PML: variants seen among roughly 807,000 people sequenced by gnomAD.
PML encodes the protein PML nuclear body scaffold.
PML carries 28 observed loss-of-function variants against 65.2 expected under a neutral mutation model. The ratio of observed to expected loss-of-function variants is 0.43; its 90% CI spans 0.32 to 0.59. PML has a LOEUF of 0.59. Ranked by LOEUF, PML falls within the 20% of genes least tolerant of loss-of-function variation. PML has a pLI of 0.08. For missense variants in PML, 1,021 were observed against 1,203.4 expected, an observed-to-expected ratio of 0.85 and a Z score of 2.24; for synonymous variants, 500 against 508.8, an observed-to-expected ratio of 0.98 and a Z score of 0.23.
At chr15:73,998,861 G>A (rs1352904169) in intron 2 of PML, among the ~76,000 whole-genome samples, 1 of 152,108 alleles carries the variant, frequency 6.6e-6, no homozygotes, top group Non-Finnish European at 1.5e-5. Context: ...GCACTGACAC[G>A]GAATCTCAGT....
chr15:74,036,923 G>A, intron 7 of PML: 1 of 985,228 alleles, frequency 1.0e-6, no homozygotes, highest in Non-Finnish European at 1.2e-6. Flanking sequence ...TGTTCCTTGA[G>A]CTCTCAGTCC....
chr15:74,010,185 A>ATTTTTTTTTTTTTTTTTTTT lies in PML; in HGVS notation c.602+11718_602+11737dup, dbSNP rs536738558. The stretch of plus-strand genomic sequence containing the variant: ...AGACATGCACCACCATGCCCAGCTA[A>ATTTTTTTTTTTTTTTTTTTT]TTTTTTTTTTTTTTTTTTTTTTTTT... On this transcript the variant is annotated intron_variant, in intron 2 of 8. Coordinates refer to ENST00000268058, the MANE Select transcript of PML (RefSeq NM_033238.3). 2.2e-4 allele frequency among the ~76,000 whole-genome samples: 17 copies of ATTTTTTTTTTTTTTTTTTTT among 77,936 alleles called. 1 individual carries two copies. Among genetic ancestry groups the ATTTTTTTTTTTTTTTTTTTT allele is most frequent in the East Asian group, 4.5e-4 (1 of 2,240 alleles). 51.1% of individuals were successfully genotyped at this position (77,936 alleles called of 152,430 possible). A position where few individuals can be genotyped will look rare whatever the true frequency, so the allele number is the denominator to read the frequency against.
chr15:74,037,807 CTT>C lies in PML; in HGVS notation c.1710+3280_1710+3281del. On this transcript the variant is annotated intron_variant, in intron 7 of 8. Transcript: ENST00000268058. This position sits in a 1 kb window ranked among gnomAD's most constrained non-coding sequence, Gnocchi z 4.2. Reference sequence around the variant, plus strand: ...CAGGTTTGCTGCTGGGCCCTTTCCTCTTTTCAGTCTGTGTATTCTCCCAGGTG... The same window carrying C: ...CAGGTTTGCTGCTGGGCCCTTTCCTCTTCAGTCTGTGTATTCTCCCAGGTG... 1 of 747,424 alleles carries C rather than the reference CTT, an allele frequency of 1.3e-6. No individual in the cohort carries two copies. The highest frequency in any genetic ancestry group is 1.6e-6 in the Non-Finnish European group (1 of 612,950). 46.3% of individuals were successfully genotyped at this position (747,424 alleles called of 1,614,324 possible).
rs377501404 is a variant in PML at position 74,035,404 on chromosome 15, G to A, written c.1710+874G>A. The stretch of plus-strand genomic sequence containing the variant: ...AGCGAGCCTCCTGATCACCAGGAGC[G>A]CCCTGCCGTCCACCGTGGGATCCGC... On this transcript the variant is annotated intron_variant, in intron 7 of 8. Coordinates refer to ENST00000268058, the MANE Select transcript of PML (RefSeq NM_033238.3). This position sits in a 1 kb window ranked among gnomAD's most constrained non-coding sequence, Gnocchi z 4.1. 1.6e-5 allele frequency: 25 copies of A among 1,611,592 alleles called. No individual in the cohort carries two copies. The highest frequency in any genetic ancestry group is 5.3e-5 in the African/African-American group (4 of 74,848).
rs1346221283 is a variant in PML, at chr15:73,994,888, C to G, written c.76C>G (p.Pro26Ala). The change falls in exon 1 of 9, where the codon CCC (proline) becomes GCC (alanine). Residue 26 changes from proline to alanine, a missense_variant. Coordinates refer to ENST00000268058, the MANE Select transcript of PML (RefSeq NM_033238.3). Reference protein sequence around the residue: ...ARPQEPTMPPPETPSEGRQPS... With the variant: ...ARPQEPTMPPAETPSEGRQPS... ...GCCCCAGGAGCCCACCATGCCTCCC[C>G]CCGAGACCCCCTCTGAAGGCCGCCA... 3.9e-6 allele frequency: 6 copies of G among 1,552,210 alleles called. No homozygotes were observed. The highest frequency in any genetic ancestry group is 5.2e-6 in the Non-Finnish European group (6 of 1,146,982).
At chr15:74,036,443 G>A in intron 7 of PML, 1 of 1,271,442 alleles carries the variant, frequency 7.9e-7, no homozygotes, top group Non-Finnish European at 1.0e-6. Flanking sequence ...GATGGATCCA[G>A]CTCCTCCCTG....
In PML at chr15:74,035,450, G is replaced by A. The variant is rs377354460; in HGVS notation, c.1710+920G>A. The stretch of plus-strand genomic sequence containing the variant: ...TCCGCTACCTGTTGTACAGAGCACA[G>A]AGAGCCATCCGCCTTCGCCATGCCC... On this transcript the variant is annotated intron_variant, in intron 7 of 8. Transcript: ENST00000268058. This position sits in a 1 kb window ranked among gnomAD's most constrained non-coding sequence, Gnocchi z 4.1. 31 of 1,612,294 alleles carry A rather than the reference G, an allele frequency of 1.9e-5. No homozygotes were observed. Among genetic ancestry groups the A allele is most frequent in the Middle Eastern group, 1.6e-4 (1 of 6,084 alleles).
intron 3 of PML, among the ~76,000 whole-genome samples, 163 bp downstream of exon 3, chr15:74,023,571 G>T (rs1420026339): frequency 3.3e-5 from 5 of 152,180 alleles, no homozygotes; most frequent in African/African-American, 1.2e-4. Context: ...GGATAAGGGG[G>T]AGATGAGGCC....
At chr15:74,031,370 C>G in intron 4 of PML, 1 of 351,384 alleles carries the variant, frequency 2.8e-6, no homozygotes, top group African/African-American at 2.1e-5. Context: ...TGCCTCAGGG[C>G]TCAAGCGATT....
chr15:74,033,277 A>C lies in PML; in HGVS notation c.1520A>C (p.Glu507Ala). Residue 507 changes from glutamate to alanine, a missense_variant, in exon 6 of 9, where the codon GAG becomes GCG. Physicochemically the swap from Glu to Ala is moderately radical, Grantham distance 107 (BLOSUM62 -1). Transcript: ENST00000268058. ...GCAAGGTTGGCTCGGAGCTCCCCGG[A>C]GCAGCCCAGGCCCAGCACCTCCAAG... ...KEARLARSSPEQPRPSTSKAV... is the reference protein window; with the variant it reads ...KEARLARSSPAQPRPSTSKAV... 1 of 1,614,230 alleles carries C rather than the reference A, an allele frequency of 6.2e-7. No individual in the cohort carries two copies. The highest frequency in any genetic ancestry group is 1.1e-5 in the South Asian group (1 of 91,090).
Position 74,035,177 on chromosome 15 carries a change from G to A in PML, c.1710+647G>A. 1 of 1,285,502 alleles carries A rather than the reference G, an allele frequency of 7.8e-7. No homozygotes were observed. Among genetic ancestry groups the A allele is most frequent in the Non-Finnish European group, 1.1e-6 (1 of 880,922 alleles). 79.6% of individuals were successfully genotyped at this position (1,285,502 alleles called of 1,614,324 possible). A position where few individuals can be genotyped will look rare whatever the true frequency, so the allele number is the denominator to read the frequency against. The stretch of plus-strand genomic sequence containing the variant: ...TGAGGTTCTGTATTGGAAAGTGCAT[G>A]GAGCCCATGGAGACCGCCGAGCCAC... On this transcript the variant is annotated intron_variant, in intron 7 of 8. Coordinates refer to ENST00000268058, the MANE Select transcript of PML (RefSeq NM_033238.3). This position sits in a 1 kb window ranked among gnomAD's most constrained non-coding sequence, Gnocchi z 4.1.
At chr15:74,015,120 C>T (rs973477222) in intron 2 of PML, among the ~76,000 whole-genome samples, 2 of 152,202 alleles carry the variant, frequency 1.3e-5, no homozygotes, top group Non-Finnish European at 2.9e-5. Flanking sequence ...ATCTTCTTCT[C>T]CAAGACCTCA....
At chr15:74,033,672 T>C (rs1359679433) in intron 6 of PML, 3 of 658,330 alleles carry the variant, frequency 4.6e-6, no homozygotes, top group Non-Finnish European at 8.4e-6. Context: ...TCCCAAACAC[T>C]ACTGTGCCTT....
At position 74,036,032 on chromosome 15, in the gene PML, C is replaced by T. The variant is rs200028634; in HGVS notation, c.1710+1502C>T. Reference sequence around the variant, plus strand: ...CTGCCTCCTCCAGCCCATGCTCTTACAGGCCCTGCACAGAGTAGCACTCAT... The same window carrying T: ...CTGCCTCCTCCAGCCCATGCTCTTATAGGCCCTGCACAGAGTAGCACTCAT... On this transcript the variant is annotated intron_variant, in intron 7 of 8. Transcript: ENST00000268058. The T allele has an allele frequency of 5.1e-5, 82 of 1,614,028 alleles. No individual in the cohort carries two copies. In the Middle Eastern group the frequency reaches 8.2e-4, roughly 16 times the overall value.
chr15:74,004,911 CAT>C (rs1366395259), intron 2 of PML, among the ~76,000 whole-genome samples: 2 of 151,960 alleles, frequency 1.3e-5, no homozygotes, highest in Non-Finnish European at 2.9e-5. Context: ...AAGGTTTTGC[CAT>C]ATTGGCCAGG....
intron 7 of PML, among the ~76,000 whole-genome samples, chr15:74,038,773 C>G (rs1411883690): frequency 6.6e-6 from 1 of 152,214 alleles, no homozygotes; most frequent in Non-Finnish European, 1.5e-5. Context: ...GAATACTGGT[C>G]TGCTACATTA....
chr15:74,037,399 CT>C lies in PML; in HGVS notation c.1710+2870del. 1.0e-6 allele frequency: 1 copy of C among 985,384 alleles called. No individual in the cohort carries two copies. Among genetic ancestry groups the C allele is most frequent in the Non-Finnish European group, 1.2e-6 (1 of 829,900 alleles). 61.0% of individuals were successfully genotyped at this position (985,384 alleles called of 1,614,324 possible). Reference sequence around the variant, plus strand: ...TGTCCTGGCCCCAGCCCTTGACCCCCTGGGAGCCTCACTCCTCCTCCTCATC... The same window carrying C: ...TGTCCTGGCCCCAGCCCTTGACCCCCGGGAGCCTCACTCCTCCTCCTCATC... On this transcript the variant is annotated intron_variant, in intron 7 of 8. Coordinates refer to ENST00000268058, the MANE Select transcript of PML (RefSeq NM_033238.3). This position sits in a 1 kb window ranked among gnomAD's most constrained non-coding sequence, Gnocchi z 4.2.
In PML at chr15:73,994,933, C is replaced by T. The variant is rs779135665; in HGVS notation, c.121C>T (p.Pro41Ser). 2.6e-6 allele frequency: 4 copies of T among 1,544,540 alleles called. No individual in the cohort carries two copies. Among genetic ancestry groups the T allele is most frequent in the Non-Finnish European group, 3.5e-6 (4 of 1,143,812 alleles). ...CCGCCAGCCCAGCCCCAGCCCCAGC[C>T]CTACAGAGGTACTATTGGGTTAGGG... ...EGRQPSPSPS[P>S]TERAPASEEE... Residue 41 changes from proline to serine, a missense_variant, in exon 1 of 9, where the codon CCT (proline) becomes TCT (serine). By Grantham distance (74) the Pro-to-Ser change is moderately conservative. Coordinates refer to ENST00000268058, the MANE Select transcript of PML (RefSeq NM_033238.3).
chr15:74,024,725 T>G, intron 3 of PML, 132 bp from the exon 4 acceptor site: 1 of 736,754 alleles, frequency 1.4e-6, no homozygotes, highest in Admixed American at 2.0e-5. Flanking sequence ...AGTTGTCCAG[T>G]GCTTTGGGAT....
Sources: gnomAD v4.1 joint callset for allele counts (sites outside exome capture counted in the v4.1 genomes callset) on GRCh38, gnomAD v4.1.1 for gene constraint, Gnocchi (gnomAD v3.1) non-coding constraint, MANE v1.5 for transcripts, NCBI Gene and HGNC (gene_info 2026-07-23, HGNC 2026-07-21) for gene names.